Variants in ACVR1C observed in about 807,000 individuals in gnomAD.
The protein encoded by ACVR1C is activin A receptor type 1C, also known as activin receptor type-1C.
ACVR1C carries 23 observed loss-of-function variants against 57.9 expected under a neutral mutation model. That is an observed-to-expected ratio of 0.40 (90% CI 0.29 to 0.56). The LOEUF (loss-of-function observed/expected upper bound fraction) is 0.56. Ranked by LOEUF, ACVR1C falls within the 20% of genes least tolerant of loss-of-function variation. ACVR1C has a pLI of 0.50. For synonymous variants in ACVR1C, 214 were observed against 215.3 expected (o/e 0.99, Z 0.05); for missense variants, 480 against 607.9 (o/e 0.79, Z 2.21).
chr2:157,549,529 C>A (rs1294224131), intron 4 of ACVR1C, among the ~76,000 whole-genome samples: 1 of 152,130 alleles, frequency 6.6e-6, no homozygotes, highest in Non-Finnish European at 1.5e-5. Context: ...TTGGTTCCTG[C>A]ACCAAACCAG....
At chr2:157,585,030 G>A (rs2105254388) in intron 2 of ACVR1C, among the ~76,000 whole-genome samples, 1 of 152,208 alleles carries the variant, frequency 6.6e-6, no homozygotes, top group East Asian at 1.9e-4. Flanking sequence ...GGAAACTCTA[G>A]GAAAAATAAA....
chr2:157,561,608 A>G (rs538051631), intron 2 of ACVR1C, among the ~76,000 whole-genome samples: 19 of 152,340 alleles, frequency 1.2e-4, no homozygotes, highest in African/African-American at 3.6e-4. Flanking sequence ...CACTACCACT[A>G]CAACATTCAA....
intron 2 of ACVR1C, among the ~76,000 whole-genome samples, chr2:157,557,205 G>A (rs773443182): frequency 1.1e-3 from 166 of 152,194 alleles, no homozygotes; most frequent in Non-Finnish European, 1.9e-3. Flanking sequence ...GTGATGGTGG[G>A]ATGAAAAGGA....
intron 1 of ACVR1C, among the ~76,000 whole-genome samples, chr2:157,588,196 T>C (rs1688972686): frequency 6.6e-6 from 1 of 151,418 alleles, no homozygotes; most frequent in Non-Finnish European, 1.5e-5. Context: ...GTTAAACTAA[T>C]CTGTTCACTG....
intron 2 of ACVR1C, among the ~76,000 whole-genome samples, chr2:157,579,618 T>A (rs1688737907): frequency 6.6e-6 from 1 of 152,238 alleles, no homozygotes; most frequent in African/African-American, 2.4e-5. Flanking sequence ...AGCCATCATC[T>A]GTTTCTGGTA....
chr2:157,602,369 T>C (rs1187910747), intron 1 of ACVR1C, among the ~76,000 whole-genome samples: 1 of 152,216 alleles, frequency 6.6e-6, no homozygotes, highest in Admixed American at 6.5e-5. Context: ...ATAACTTTCA[T>C]TTGCCAAATT....
chr2:157,537,944 G>A (rs1431388159), intron 8 of ACVR1C, among the ~76,000 whole-genome samples: 1 of 152,164 alleles, frequency 6.6e-6, no homozygotes, highest in African/African-American at 2.4e-5. Context: ...TCTGATGTGA[G>A]GGAGCTTTTC....
intron 1 of ACVR1C, among the ~76,000 whole-genome samples, chr2:157,596,638 A>C (rs1206162772): frequency 2.6e-5 from 4 of 152,182 alleles, no homozygotes; most frequent in African/African-American, 9.7e-5. Context: ...ATTTTCTTCC[A>C]ATTTATGATT....
At chr2:157,612,130 G>A (rs1682548850) in intron 1 of ACVR1C, among the ~76,000 whole-genome samples, 1 of 152,204 alleles carries the variant, frequency 6.6e-6, no homozygotes, top group African/African-American at 2.4e-5. Flanking sequence ...TGCTCTTGGT[G>A]TGGGCAAAGT....
chr2:157,608,845 G>A (rs950872728), intron 1 of ACVR1C, among the ~76,000 whole-genome samples: 7 of 151,646 alleles, frequency 4.6e-5, no homozygotes, highest in African/African-American at 1.7e-4. Flanking sequence ...TTCTGATTTT[G>A]TTTATTTGTG....
intron 8 of ACVR1C, 98 bp from the exon 9 acceptor site, chr2:157,534,141 T>A: frequency 1.5e-5 from 3 of 198,734 alleles, no homozygotes; most frequent in Non-Finnish European, 2.6e-5. Context: ...GATGCTAAGC[T>A]TTTTTTTTTT....
At chr2:157,537,061 T>C (rs1687506841) in intron 8 of ACVR1C, among the ~76,000 whole-genome samples, 1 of 152,146 alleles carries the variant, frequency 6.6e-6, no homozygotes, top group South Asian at 2.1e-4. Flanking sequence ...TAGCTACACA[T>C]ATATAATGGA....
At chr2:157,579,457 T>A (rs1381963391) in intron 2 of ACVR1C, among the ~76,000 whole-genome samples, 1 of 152,216 alleles carries the variant, frequency 6.6e-6, no homozygotes, top group Non-Finnish European at 1.5e-5. Flanking sequence ...ATTTTTAATT[T>A]TAAGAGTTTT....
rs1451990860 is a variant in ACVR1C at position 157,527,462 on chromosome 2, G to C, written c.*6456C>G. 1.3e-5 allele frequency: 2 copies of C among 152,090 alleles called. No individual in the cohort carries two copies. The highest frequency in any genetic ancestry group is 3.8e-4 in the East Asian group (2 of 5,198). The allele number at this position is 152,090 out of a possible 1,614,324, so 9.4% of individuals were successfully genotyped here. ...TTTTGACATTTGTAATATGTTCTTA[G>C]GTATAAGAAGAGTCACGCTACCAAA... is the stretch of plus-strand genomic sequence containing the variant. On this transcript the variant is annotated 3_prime_UTR_variant, in exon 9 of 9. Coordinates refer to ENST00000243349, the MANE Select transcript of ACVR1C (RefSeq NM_145259.3).
At chr2:157,549,601 T>C (rs1203155040) in intron 4 of ACVR1C, among the ~76,000 whole-genome samples, 1 of 152,144 alleles carries the variant, frequency 6.6e-6, no homozygotes, top group East Asian at 1.9e-4. Context: ...ATCACTCATT[T>C]GCCCTGCTTC....
chr2:157,531,617 A>G lies in ACVR1C; in HGVS notation c.*2301T>C, dbSNP rs1687351532. On this transcript the variant is annotated 3_prime_UTR_variant, in exon 9 of 9. Coordinates refer to ENST00000243349, the MANE Select transcript of ACVR1C (RefSeq NM_145259.3). The stretch of plus-strand genomic sequence containing the variant: ...TTTGAGGCACGTACAACCATAGTAA[A>G]TAAATAATTTCGTTCTTATATATGC... The G allele has an allele frequency of 6.6e-6, 1 of 152,078 alleles. No homozygotes were observed. Among genetic ancestry groups the G allele is most frequent in the African/African-American group, 2.4e-5 (1 of 41,440 alleles). The allele number at this position is 152,078 out of a possible 1,614,324, so 9.4% of individuals were successfully genotyped here.
chr2:157,574,160 TG>T (rs1462671907), intron 2 of ACVR1C, among the ~76,000 whole-genome samples: 1 of 152,248 alleles, frequency 6.6e-6, no homozygotes, highest in African/African-American at 2.4e-5. Flanking sequence ...TCATCCATTC[TG>T]TAAAACAGCA....
At position 157,533,784 on chromosome 2, in the gene ACVR1C, G is replaced by A; in HGVS notation, c.*134C>T. 1 of 778,910 alleles carries A rather than the reference G, an allele frequency of 1.3e-6. No individual in the cohort carries two copies. The highest frequency in any genetic ancestry group is 1.8e-6 in the Non-Finnish European group (1 of 557,592). The allele number at this position is 778,910 out of a possible 1,614,324, so 48.2% of individuals were successfully genotyped here. A position where few individuals can be genotyped will look rare whatever the true frequency, so the allele number is the denominator to read the frequency against. ...AACTTTAGAGTTATCTTTTCATGCT[G>A]CCTTATGGGCACTTAAATACTGTAC... is the stretch of plus-strand genomic sequence containing the variant. On this transcript the variant is annotated 3_prime_UTR_variant, in exon 9 of 9. Transcript: ENST00000243349.
rs148411947 is a variant in ACVR1C, at chr2:157,587,900, G to A, written c.74-483C>T. Among the ~76,000 whole-genome samples, 645 of 152,132 alleles carry A rather than the reference G, an allele frequency of 4.2e-3. 8 individuals are homozygous for A. The highest frequency in any genetic ancestry group is 0.014 in the African/African-American group (600 of 41,540). On this transcript the variant is annotated intron_variant, in intron 1 of 8. Coordinates refer to ENST00000243349, the MANE Select transcript of ACVR1C (RefSeq NM_145259.3). ...TTTAAGCAAATGTGCTAAACGCAAA[G>A]CTAACCATAGATATTTATGTCTCTA...
Sources: allele counts gnomAD v4.1 joint callset (sites outside exome capture counted in the v4.1 genomes callset), GRCh38; gene constraint gnomAD v4.1.1; transcripts MANE v1.5; gene names NCBI Gene and HGNC (gene_info 2026-07-23, HGNC 2026-07-21).